ADCY2: variants seen among roughly 807,000 people sequenced by gnomAD.
The protein encoded by ADCY2 is adenylate cyclase 2.
ADCY2 carries 31 observed loss-of-function variants against 125.2 expected under a neutral mutation model. The ratio of observed to expected loss-of-function variants is 0.25; its 90% CI spans 0.19 to 0.33. The LOEUF is 0.33. Among genes scored for constraint, ADCY2 ranks in the 10% least tolerant of loss-of-function variants. The pLI, the probability that ADCY2 is intolerant of heterozygous loss-of-function variation, is 1.00. For missense variants in ADCY2, 904 were observed against 1,418.2 expected (o/e 0.64, Z 5.82); for synonymous variants, 512 against 548.4 (o/e 0.93, Z 0.93).
chr5:7,690,596 G>T, intron 4 of ADCY2, 95 bp from the exon 5 acceptor site: 1 of 1,143,716 alleles, frequency 8.7e-7, no homozygotes, highest in Non-Finnish European at 1.1e-6. Context: ...TTCCCAAACT[G>T]GCCTTCCTAC....
intron 18 of ADCY2, among the ~76,000 whole-genome samples, chr5:7,775,249 G>A (rs1400844261): frequency 6.7e-6 from 1 of 150,294 alleles, no homozygotes; most frequent in African/African-American, 2.4e-5. Context: ...ATACATACAC[G>A]TATATATTTT....
At chr5:7,462,357 T>C (rs2126441239) in intron 2 of ADCY2, among the ~76,000 whole-genome samples, 1 of 152,284 alleles carries the variant, frequency 6.6e-6, no homozygotes, top group Middle Eastern at 3.4e-3. Context: ...CCAAATTGTG[T>C]TTTTCCGCCA....
chr5:7,705,981 C>A (rs980093641), intron 7 of ADCY2, among the ~76,000 whole-genome samples: 1 of 152,170 alleles, frequency 6.6e-6, no homozygotes, highest in Non-Finnish European at 1.5e-5. Flanking sequence ...GTGCTGCAGT[C>A]GGCATCGTTG....
chr5:7,805,797 C>T (rs928860262), intron 22 of ADCY2, among the ~76,000 whole-genome samples: 4 of 152,206 alleles, frequency 2.6e-5, no homozygotes, highest in Non-Finnish European at 5.9e-5. Context: ...GCTTAACATT[C>T]ATGCATTCAT....
At chr5:7,401,435 C>T (rs1579405468) in intron 1 of ADCY2, among the ~76,000 whole-genome samples, 1 of 152,160 alleles carries the variant, frequency 6.6e-6, no homozygotes, top group East Asian at 1.9e-4. Context: ...CTAGAATTCC[C>T]AGCGCTGGTC....
Position 7,724,893 on chromosome 5 carries a change from G to C in ADCY2, c.1773+279G>C, listed in dbSNP as rs114112898. Among the ~76,000 whole-genome samples, 1,298 of 152,100 alleles carry C rather than the reference G, an allele frequency of 8.5e-3. 12 individuals are homozygous for C. Among genetic ancestry groups the C allele is most frequent in the Admixed American group, 0.015 (223 of 15,284 alleles). On this transcript the variant is annotated intron_variant, in intron 13 of 24. Coordinates refer to ENST00000338316, the MANE Select transcript of ADCY2 (RefSeq NM_020546.3). The stretch of plus-strand genomic sequence containing the variant: ...TATCCCAATTAAATGAAAGATGTGG[G>C]AGATATCTACTCTTCTCAATGTGAA...
intron 3 of ADCY2, among the ~76,000 whole-genome samples, chr5:7,557,993 G>A (rs189339269): frequency 6.6e-6 from 1 of 152,162 alleles, no homozygotes; most frequent in East Asian, 1.9e-4. Flanking sequence ...CTGTGTATAA[G>A]CATTCCTTTT....
chr5:7,490,144 G>A (rs949323065), intron 2 of ADCY2, among the ~76,000 whole-genome samples: 7 of 152,002 alleles, frequency 4.6e-5, no homozygotes, highest in Non-Finnish European at 8.8e-5. Context: ...CAGTAAGAAA[G>A]TTTTCATAGA....
intron 3 of ADCY2, among the ~76,000 whole-genome samples, chr5:7,585,211 T>C (rs1038437698): frequency 1.3e-5 from 2 of 152,106 alleles, no homozygotes; most frequent in African/African-American, 4.8e-5. Context: ...GCAATTTCAA[T>C]TTTTTTGAAA....
At chr5:7,748,617 G>T (rs1742711125) in intron 15 of ADCY2, among the ~76,000 whole-genome samples, 1 of 151,814 alleles carries the variant, frequency 6.6e-6, no homozygotes, top group South Asian at 2.1e-4. Context: ...TGGAGGCTTT[G>T]GAGTAGAATC....
At chr5:7,727,355 TAGAC>T (rs1008881471) in intron 14 of ADCY2, 94 bp downstream of exon 14, 11 of 1,021,996 alleles carry the variant, frequency 1.1e-5, no homozygotes, top group Admixed American at 4.0e-5. Flanking sequence ...TGCTAATGTT[TAGAC>T]AGAGGGGTGA....
In ADCY2 at chr5:7,626,263, A is replaced by G; in HGVS notation, c.667A>G (p.Thr223Ala). ...ELALQQTYQD[T>A]CNCIKSRIKL... ...CGCTCTTCAGCAAACATATCAGGAC[A>G]CCTGTAATTGCATCAAGTCGCGGAT... is the stretch of plus-strand genomic sequence containing the variant. Residue 223 changes from threonine to alanine, a missense_variant, in exon 4 of 25, where the codon ACC becomes GCC. Thr to Ala is a moderately conservative substitution (Grantham distance 58, BLOSUM62 0). Around this residue, in one of 7 missense-constraint regions of ADCY2, gnomAD observed 117 missense variants for 248.0 expected, o/e 0.47. Coordinates refer to ENST00000338316, the MANE Select transcript of ADCY2 (RefSeq NM_020546.3). The G allele has an allele frequency of 6.2e-7, 1 of 1,614,130 alleles. No individual in the cohort carries two copies. The highest frequency in any genetic ancestry group is 8.5e-7 in the Non-Finnish European group (1 of 1,179,988).
intron 3 of ADCY2, among the ~76,000 whole-genome samples, chr5:7,601,094 A>G (rs576282577): frequency 6.6e-6 from 1 of 152,168 alleles, no homozygotes; most frequent in African/African-American, 2.4e-5. Context: ...CCTTCAGTGG[A>G]TGATGTTGGA....
chr5:7,598,690 G>A (rs1399265372), intron 3 of ADCY2, among the ~76,000 whole-genome samples: 1 of 152,168 alleles, frequency 6.6e-6, no homozygotes, highest in Non-Finnish European at 1.5e-5. Flanking sequence ...ACACACGATA[G>A]GATTGTGCTT....
intron 3 of ADCY2, among the ~76,000 whole-genome samples, chr5:7,550,706 G>A (rs1215858755): frequency 6.6e-6 from 1 of 152,006 alleles, no homozygotes; most frequent in Non-Finnish European, 1.5e-5. Context: ...TTACACCTTG[G>A]TGGGCCCTCA....
rs536109542 is a variant in ADCY2, at chr5:7,684,378, A to ATTGAATAT, written c.721-6310_721-6303dup. Among the ~76,000 whole-genome samples, 144 of 152,300 alleles carry ATTGAATAT rather than the reference A, an allele frequency of 9.5e-4. 2 individuals carry two copies. In the South Asian group the frequency reaches 0.029, roughly 31 times the overall value. On this transcript the variant is annotated intron_variant, in intron 4 of 24. Coordinates refer to ENST00000338316, the MANE Select transcript of ADCY2 (RefSeq NM_020546.3). ...GACCTCCATAGACTCTTATCCAAGGATTGAATATTTTTCCACCTTTTGAGT... is the reference window on the plus strand; with the variant it reads ...GACCTCCATAGACTCTTATCCAAGGATTGAATATTTGAATATTTTTCCACCTTTTGAGT...
At chr5:7,596,653 A>C (rs1456162237) in intron 3 of ADCY2, among the ~76,000 whole-genome samples, 1 of 152,096 alleles carries the variant, frequency 6.6e-6, no homozygotes, top group Non-Finnish European at 1.5e-5. Context: ...TGGGAGTTAA[A>C]CCCGTTAAGT....
At chr5:7,763,387 G>C (rs1424032163) in intron 16 of ADCY2, among the ~76,000 whole-genome samples, 1 of 152,066 alleles carries the variant, frequency 6.6e-6, no homozygotes, top group African/African-American at 2.4e-5. Flanking sequence ...CACCGCGCCC[G>C]GCCTCTAATG....
intron 2 of ADCY2, among the ~76,000 whole-genome samples, chr5:7,483,303 C>T (rs965106240): frequency 5.9e-5 from 9 of 151,692 alleles, no homozygotes; most frequent in Non-Finnish European, 1.5e-5. Context: ...TATTATGTAT[C>T]GAAAAATTTT....
Sources: gnomAD v4.1 joint callset for allele counts (sites outside exome capture counted in the v4.1 genomes callset) on GRCh38, gnomAD v4.1.1 for gene constraint, gnomAD v4.1.1 regional missense constraint, MANE v1.5 for transcripts, NCBI Gene and HGNC (gene_info 2026-07-23, HGNC 2026-07-21) for gene names.